Variants in AGAP1 observed in about 807,000 individuals in gnomAD.
The protein encoded by AGAP1 is ArfGAP with GTPase domain, ankyrin repeat and PH domain 1.
AGAP1 carries 29 observed loss-of-function variants against 105.3 expected under a neutral mutation model. That is an observed-to-expected ratio of 0.28 (90% CI 0.21 to 0.38). The LOEUF (loss-of-function observed/expected upper bound fraction) is 0.38, where lower values mean the gene tolerates loss of function less well. Ranked by LOEUF, AGAP1 falls within the 10% of genes least tolerant of loss-of-function variation. The pLI, the probability that AGAP1 is intolerant of heterozygous loss-of-function variation, is 1.00. For synonymous variants in AGAP1, 509 were observed against 485.9 expected, an observed-to-expected ratio of 1.05 and a Z score of -0.63; for missense variants, 998 against 1,165.1, an observed-to-expected ratio of 0.86 and a Z score of 2.09.
intron 16 of AGAP1, among the ~76,000 whole-genome samples, chr2:236,077,737 C>T (rs1172542671): frequency 2.0e-5 from 3 of 152,200 alleles, no homozygotes; most frequent in Non-Finnish European, 4.4e-5. Context: ...TGAAATACCG[C>T]TGGGTTGAGC....
rs180905428 is a variant in AGAP1, at chr2:236,101,787, G to A, written c.2115-18405G>A. On this transcript the variant is annotated intron_variant, in intron 16 of 17. Coordinates refer to ENST00000304032, the MANE Select transcript of AGAP1 (RefSeq NM_001037131.3). This position sits in a 1 kb window ranked among gnomAD's most constrained non-coding sequence, Gnocchi z 4.9. ...TGCCACGTTACGCGGAGTCTAGGACGGCCTCACCCCGCTGGCTCGGGCTCC... is the reference window on the plus strand; with the variant it reads ...TGCCACGTTACGCGGAGTCTAGGACAGCCTCACCCCGCTGGCTCGGGCTCC... Among the ~76,000 whole-genome samples, 6 of 152,332 alleles carry A rather than the reference G, an allele frequency of 3.9e-5. No individual in the cohort carries two copies. In the East Asian group the frequency reaches 1.2e-3, roughly 29 times the overall value.
At chr2:235,595,502 T>A (rs188187468) in intron 1 of AGAP1, among the ~76,000 whole-genome samples, 2 of 152,336 alleles carry the variant, frequency 1.3e-5, no homozygotes, top group East Asian at 3.9e-4. Flanking sequence ...TATAGCACTT[T>A]CAATTATGCT....
At chr2:235,593,774 G>T (rs925649269) in intron 1 of AGAP1, among the ~76,000 whole-genome samples, 3 of 152,052 alleles carry the variant, frequency 2.0e-5, no homozygotes, top group African/African-American at 7.2e-5. Context: ...GACCAGCCCG[G>T]GCAACATAGT....
intron 11 of AGAP1, among the ~76,000 whole-genome samples, chr2:235,926,232 A>G (rs1011277373): frequency 1.3e-5 from 2 of 152,244 alleles, no homozygotes; most frequent in African/African-American, 4.8e-5. Context: ...GTATGACACT[A>G]TAATTGGATA....
At chr2:235,759,499 G>A (rs1302363507) in intron 6 of AGAP1, among the ~76,000 whole-genome samples, 1 of 152,174 alleles carries the variant, frequency 6.6e-6, no homozygotes, top group African/African-American at 2.4e-5. Flanking sequence ...GCCATCCAGT[G>A]CATGTGAGAA....
Position 236,003,424 on chromosome 2 carries a change from C to G in AGAP1, c.1646-33137C>G, listed in dbSNP as rs1419702502. On this transcript the variant is annotated intron_variant, in intron 13 of 17. Coordinates refer to ENST00000304032, the MANE Select transcript of AGAP1 (RefSeq NM_001037131.3). This position sits in a 1 kb window ranked among gnomAD's most constrained non-coding sequence, Gnocchi z 4.2. ...AGCAGGGGAGGATGCTGGCCCACACCAAGGCACCAAGATTTTACCCACCTC... is the reference window on the plus strand; with the variant it reads ...AGCAGGGGAGGATGCTGGCCCACACGAAGGCACCAAGATTTTACCCACCTC... Among the ~76,000 whole-genome samples, 1 of 152,156 alleles carries G rather than the reference C, an allele frequency of 6.6e-6. No individual in the cohort carries two copies. The highest frequency in any genetic ancestry group is 2.4e-5 in the African/African-American group (1 of 41,426).
intron 13 of AGAP1, among the ~76,000 whole-genome samples, chr2:236,021,451 C>T (rs1243738860): frequency 6.6e-6 from 1 of 152,124 alleles, no homozygotes; most frequent in African/African-American, 2.4e-5. Context: ...CCTAGGCCTG[C>T]CCAACATGGC....
chr2:235,785,739 CTT>C (rs1409418238), intron 6 of AGAP1, among the ~76,000 whole-genome samples: 5 of 152,206 alleles, frequency 3.3e-5, no homozygotes, highest in Non-Finnish European at 5.9e-5. Flanking sequence ...ACCTTTTTCT[CTT>C]TGTATGTTTT....
At chr2:235,759,304 G>A (rs1376028473) in intron 6 of AGAP1, among the ~76,000 whole-genome samples, 2 of 151,916 alleles carry the variant, frequency 1.3e-5, no homozygotes, top group African/African-American at 4.8e-5. Flanking sequence ...AAGTAGCTGG[G>A]ACTACAGGCG....
rs2059941602 is a variant in AGAP1, at chr2:236,123,193, C to T, written c.2371-726C>T. ...GGCTCAAGCGATCCTCCCACCTCAGCCTCCTGCATAGCTGGGACCACAGGC... is the reference window on the plus strand; with the variant it reads ...GGCTCAAGCGATCCTCCCACCTCAGTCTCCTGCATAGCTGGGACCACAGGC... On this transcript the variant is annotated intron_variant, in intron 17 of 17. Transcript: ENST00000304032. This position sits in a 1 kb window ranked among gnomAD's most constrained non-coding sequence, Gnocchi z 4.6. Among the ~76,000 whole-genome samples the T allele has an allele frequency of 6.6e-6, 1 of 152,178 alleles. No homozygotes were observed. The highest frequency in any genetic ancestry group is 2.4e-5 in the African/African-American group (1 of 41,442).
At chr2:235,562,242 G>A (rs1944176580) in intron 1 of AGAP1, among the ~76,000 whole-genome samples, 1 of 152,064 alleles carries the variant, frequency 6.6e-6, no homozygotes. Flanking sequence ...GCCTTGATAA[G>A]CAGTGTAGTC....
chr2:235,834,115 C>T (rs1382447220), intron 9 of AGAP1, among the ~76,000 whole-genome samples: 1 of 152,078 alleles, frequency 6.6e-6, no homozygotes, highest in Non-Finnish European at 1.5e-5. Context: ...TCTCATTTGC[C>T]CGGTTGGAAC....
intron 16 of AGAP1, among the ~76,000 whole-genome samples, chr2:236,071,389 T>A (rs55653117): frequency 0.11 from 17,037 of 152,216 alleles, 1,238 homozygotes; most frequent in South Asian, 0.19. Context: ...GGATTGGTTC[T>A]AGCACAGAGA....
At chr2:235,856,675 C>T (rs2048698022) in intron 9 of AGAP1, among the ~76,000 whole-genome samples, 1 of 152,278 alleles carries the variant, frequency 6.6e-6, no homozygotes, top group Non-Finnish European at 1.5e-5. Context: ...CCAGAGTACA[C>T]AGGCCAGGAT....
intron 10 of AGAP1, among the ~76,000 whole-genome samples, chr2:235,892,740 C>T (rs941635939): frequency 2.6e-5 from 4 of 152,202 alleles, no homozygotes; most frequent in Non-Finnish European, 5.9e-5. Flanking sequence ...TCTTCACCCA[C>T]CTTCACTGTC....
chr2:235,568,076 C>T (rs143138192), intron 1 of AGAP1, among the ~76,000 whole-genome samples: 1 of 152,212 alleles, frequency 6.6e-6, no homozygotes, highest in East Asian at 1.9e-4. Flanking sequence ...GGCTCTGACT[C>T]AGTGGGGATT....
At chr2:235,718,459 G>A (rs1044365924) in intron 3 of AGAP1, 21 of 904,162 alleles carry the variant, frequency 2.3e-5, no homozygotes, top group Non-Finnish European at 2.6e-5. Context: ...GCACCACTTT[G>A]TACTGTAGCG....
intron 1 of AGAP1, among the ~76,000 whole-genome samples, chr2:235,673,704 A>G (rs1266872778): frequency 1.3e-5 from 2 of 152,214 alleles, no homozygotes; most frequent in Non-Finnish European, 2.9e-5. Flanking sequence ...CTGCAACGTG[A>G]TAAGCATCAT....
chr2:235,703,419 T>C (rs1434405615), intron 1 of AGAP1, among the ~76,000 whole-genome samples: 1 of 152,086 alleles, frequency 6.6e-6, no homozygotes, highest in Non-Finnish European at 1.5e-5. Context: ...TCTTTAATCC[T>C]ACCCCCAAAG....
Sources: allele counts gnomAD v4.1 joint callset (sites outside exome capture counted in the v4.1 genomes callset), GRCh38; gene constraint gnomAD v4.1.1; non-coding constraint Gnocchi (gnomAD v3.1); transcripts MANE v1.5; gene names NCBI Gene and HGNC (gene_info 2026-07-23, HGNC 2026-07-21).